Variants in EYS observed in about 807,000 individuals in gnomAD.
The protein encoded by EYS is protein eyes shut homolog.
In EYS, 250 loss-of-function variants were observed where a neutral mutation model predicts 282.1. The observed-to-expected ratio is 0.89, with a 90% CI of 0.80 to 0.98. The LOEUF (loss-of-function observed/expected upper bound fraction) is 0.98. Among genes scored for constraint, EYS ranks in the 50% least tolerant of loss-of-function variants. The pLI is 0.00. For missense variants in EYS, 4,016 were observed against 3,709.0 expected, an observed-to-expected ratio of 1.08 and a Z score of -2.15; for synonymous variants, 1,355 against 1,282.9, an observed-to-expected ratio of 1.06 and a Z score of -1.20.
At position 65,495,166 on chromosome 6, in the gene EYS, A is replaced by C. The variant is rs1766203980; in HGVS notation, c.245T>G (p.Ile82Ser). The change falls in exon 4 of 43, where the codon ATT (isoleucine) becomes AGT (serine). Residue 82 changes from isoleucine (I) to serine (S), a missense_variant. Transcript: ENST00000503581. ...QAVPQICPLQ[I>S]QLGDILVISS... is the part of the protein sequence containing the mutation. ...AATTACAAGGATATCTCCTAATTGAATTTGCAAAGGGCAAATCTGGGGAAC... is the reference window on the plus strand; with the variant it reads ...AATTACAAGGATATCTCCTAATTGACTTTGCAAAGGGCAAATCTGGGGAAC... 1.4e-5 allele frequency: 23 copies of C among 1,613,864 alleles called. No individual in the cohort carries two copies. The highest frequency in any genetic ancestry group is 1.9e-5 in the Non-Finnish European group (23 of 1,179,892).
At chr6:64,586,037 A>T (rs945934860) in intron 26 of EYS, among the ~76,000 whole-genome samples, 4 of 152,032 alleles carry the variant, frequency 2.6e-5, no homozygotes, top group African/African-American at 9.7e-5. Context: ...TAATGCTATG[A>T]TTTGGATATT....
intron 10 of EYS, among the ~76,000 whole-genome samples, chr6:65,340,323 C>T (rs1244860871): frequency 6.6e-6 from 1 of 150,922 alleles, no homozygotes; most frequent in Non-Finnish European, 1.5e-5. Flanking sequence ...GAAGCATTTG[C>T]ATTTAAAAGG....
intron 1 of EYS, among the ~76,000 whole-genome samples, chr6:65,677,580 C>T (rs1768669718): frequency 1.3e-5 from 2 of 151,758 alleles, no homozygotes; most frequent in African/African-American, 4.8e-5. Context: ...GGAAAGATAT[C>T]CTGTATAAAT....
At chr6:65,480,377 T>C (rs2127254206) in intron 5 of EYS, among the ~76,000 whole-genome samples, 1 of 152,192 alleles carries the variant, frequency 6.6e-6, no homozygotes, top group Middle Eastern at 3.4e-3. Context: ...TATATAAATA[T>C]ACACAGATAC....
At chr6:64,531,974 C>T (rs9362943) in intron 26 of EYS, among the ~76,000 whole-genome samples, 39,789 of 151,968 alleles carry the variant, frequency 0.26, 5,714 homozygotes, top group East Asian at 0.36. Context: ...GCTGCAGTCT[C>T]AAATAGGTGG....
At chr6:64,147,161 G>T (rs746002485) in intron 31 of EYS, among the ~76,000 whole-genome samples, 4 of 152,134 alleles carry the variant, frequency 2.6e-5, no homozygotes, top group African/African-American at 9.7e-5. Context: ...GGATGGTCAA[G>T]TACTTTGCTA....
intron 26 of EYS, among the ~76,000 whole-genome samples, chr6:64,521,161 T>C (rs1374860048): frequency 6.6e-6 from 1 of 151,816 alleles, no homozygotes; most frequent in Non-Finnish European, 1.5e-5. Context: ...AAAGCTAAGT[T>C]GCTATGGTTG....
Position 64,772,195 on chromosome 6 carries a change from A to T in EYS, c.3443+41183T>A, listed in dbSNP as rs537787186. ...TAACTAATCTGTTTTTAGGGAATCC[A>T]TTTTGGGGTAGACTTTCATACATTC... On this transcript the variant is annotated intron_variant, in intron 22 of 42. Transcript: ENST00000503581. Among the ~76,000 whole-genome samples, 4 of 151,774 alleles carry T rather than the reference A, an allele frequency of 2.6e-5. No homozygotes were observed. In the South Asian group the frequency reaches 8.3e-4, roughly 31 times the overall value.
At chr6:64,553,881 C>T (rs780240883) in intron 26 of EYS, among the ~76,000 whole-genome samples, 1 of 151,984 alleles carries the variant, frequency 6.6e-6, no homozygotes, top group Non-Finnish European at 1.5e-5. Context: ...TATACATATA[C>T]TGTATGTGTT....
chr6:63,776,061 T>C (rs1236444273), intron 40 of EYS, among the ~76,000 whole-genome samples: 1 of 152,170 alleles, frequency 6.6e-6, no homozygotes. Context: ...CAGATGTATC[T>C]TTCCCCCTGT....
chr6:64,720,559 C>T (rs1301252146), intron 22 of EYS, among the ~76,000 whole-genome samples: 1 of 152,154 alleles, frequency 6.6e-6, no homozygotes, highest in Non-Finnish European at 1.5e-5. Context: ...CCAGCTATTT[C>T]TCTTAAATCA....
intron 7 of EYS, among the ~76,000 whole-genome samples, chr6:65,400,290 C>A (rs1207734674): frequency 1.3e-4 from 19 of 151,892 alleles, no homozygotes; most frequent in Admixed American, 1.2e-3. Flanking sequence ...ATTTCACAAA[C>A]TCCATTTTAT....
chr6:64,020,541 T>C (rs752642339), intron 33 of EYS, among the ~76,000 whole-genome samples: 2 of 152,116 alleles, frequency 1.3e-5, no homozygotes, highest in African/African-American at 4.8e-5. Flanking sequence ...GGGGTGCAAA[T>C]AGATGTGGTA....
chr6:63,756,398 C>A (rs1271670791), intron 41 of EYS, among the ~76,000 whole-genome samples: 3 of 152,212 alleles, frequency 2.0e-5, no homozygotes, highest in Admixed American at 2.0e-4. Context: ...TGGTTTTGGT[C>A]ATTGGTTCTG....
At chr6:65,005,829 GTC>G (rs897813173) in intron 13 of EYS, among the ~76,000 whole-genome samples, 4 of 152,320 alleles carry the variant, frequency 2.6e-5, no homozygotes, top group African/African-American at 9.6e-5. Context: ...ACAGCCAGAA[GTC>G]TCTACCCAGC....
intron 12 of EYS, among the ~76,000 whole-genome samples, chr6:65,139,256 A>G (rs1357901038): frequency 6.6e-6 from 1 of 152,124 alleles, no homozygotes; most frequent in East Asian, 1.9e-4. Context: ...CAGCCATAAA[A>G]AAAGAATGAG....
intron 36 of EYS, among the ~76,000 whole-genome samples, chr6:63,856,793 C>A (rs1003510557): frequency 2.0e-5 from 3 of 151,932 alleles, no homozygotes; most frequent in Non-Finnish European, 4.4e-5. Context: ...CACTGGATTG[C>A]AAAAATGTAT....
At position 63,757,031 on chromosome 6, in the gene EYS, A is replaced by C. The variant is rs111702400; in HGVS notation, c.8071+5430T>G. 5.9e-5 allele frequency among the ~76,000 whole-genome samples: 9 copies of C among 152,246 alleles called. No homozygotes were observed. In the South Asian group the frequency reaches 1.9e-3, roughly 32 times the overall value. On this transcript the variant is annotated intron_variant, in intron 41 of 42. Transcript: ENST00000503581. ...GCACCTTGAAAAAGAACAGAATAAC[A>C]GCAATTTTAGGGAACAAGGGAAGAC... is the stretch of plus-strand genomic sequence containing the variant.
intron 26 of EYS, among the ~76,000 whole-genome samples, chr6:64,482,301 G>A (rs909619269): frequency 4.0e-5 from 6 of 151,650 alleles, no homozygotes; most frequent in African/African-American, 1.4e-4. Flanking sequence ...GGGAGTGGAT[G>A]TTGGGGACTC....
Sources: allele counts gnomAD v4.1 joint callset (sites outside exome capture counted in the v4.1 genomes callset), GRCh38; gene constraint gnomAD v4.1.1; transcripts MANE v1.5; gene names NCBI Gene and HGNC (gene_info 2026-07-23, HGNC 2026-07-21).